HLCS: variants seen among roughly 807,000 people sequenced by gnomAD.
The protein encoded by HLCS is biotin--protein ligase.
In HLCS, 53 loss-of-function variants were observed where a neutral mutation model predicts 75.0. That is an observed-to-expected ratio of 0.71 (90% CI 0.57 to 0.89). The LOEUF (loss-of-function observed/expected upper bound fraction) is 0.89. HLCS is among the 40% of genes least tolerant of loss of function. The probability of loss-of-function intolerance (pLI) is 0.00; values close to 1 mark genes in which losing one functional copy is unlikely to be tolerated. For synonymous variants in HLCS, 431 were observed against 428.6 expected, an observed-to-expected ratio of 1.01 and a Z score of -0.07; for missense variants, 966 against 1,074.0, an observed-to-expected ratio of 0.90 and a Z score of 1.41.
At chr21:36,872,374 G>A (rs1450111765) in intron 6 of HLCS, among the ~76,000 whole-genome samples, 1 of 149,074 alleles carries the variant, frequency 6.7e-6, no homozygotes, top group African/African-American at 2.5e-5. Flanking sequence ...CTGGGTGACA[G>A]AGCGAGCCTC....
intron 6 of HLCS, among the ~76,000 whole-genome samples, chr21:36,824,797 G>A (rs1202689694): frequency 6.6e-6 from 1 of 152,058 alleles, no homozygotes; most frequent in Non-Finnish European, 1.5e-5. Context: ...TCCTAACCAG[G>A]GAAGAAACAC....
chr21:36,940,226 C>CT (rs1355498120), intron 2 of HLCS, among the ~76,000 whole-genome samples: 1 of 152,178 alleles, frequency 6.6e-6, no homozygotes. Flanking sequence ...GCAGCACAGT[C>CT]TTTTTCTAAG....
At chr21:36,933,592 T>C (rs901919611) in intron 4 of HLCS, among the ~76,000 whole-genome samples, 1 of 147,396 alleles carries the variant, frequency 6.8e-6, no homozygotes, top group Non-Finnish European at 1.5e-5. Context: ...TCCTACTCAG[T>C]GCACTTCTAC....
At chr21:36,910,694 G>A (rs957956876) in intron 5 of HLCS, among the ~76,000 whole-genome samples, 6 of 152,096 alleles carry the variant, frequency 3.9e-5, no homozygotes, top group African/African-American at 1.2e-4. Context: ...GCAGGTTTGC[G>A]AAATGCCTGT....
At chr21:36,781,636 T>G (rs2060537214) in intron 6 of HLCS, among the ~76,000 whole-genome samples, 1 of 152,194 alleles carries the variant, frequency 6.6e-6, no homozygotes, top group African/African-American at 2.4e-5. Context: ...CACTGATTCT[T>G]TAAGGTTTCT....
intron 5 of HLCS, among the ~76,000 whole-genome samples, chr21:36,905,739 T>C (rs2065420888): frequency 6.6e-6 from 1 of 150,658 alleles, no homozygotes; most frequent in Non-Finnish European, 1.5e-5. Flanking sequence ...TTTAGCAAGG[T>C]TGTGGGATAC....
chr21:36,942,653 T>C (rs2067202088), intron 2 of HLCS, among the ~76,000 whole-genome samples: 1 of 152,036 alleles, frequency 6.6e-6, no homozygotes, highest in African/African-American at 2.4e-5. Context: ...CAAACATTCT[T>C]GTGCTTCAAA....
intron 8 of HLCS, among the ~76,000 whole-genome samples, chr21:36,761,540 G>C (rs1429003860): frequency 1.3e-5 from 2 of 152,048 alleles, no homozygotes; most frequent in Non-Finnish European, 2.9e-5. Context: ...AGTGGGAGAG[G>C]GGTGGATTTG....
At chr21:36,914,688 T>G (rs577564937) in intron 5 of HLCS, among the ~76,000 whole-genome samples, 32 of 152,352 alleles carry the variant, frequency 2.1e-4, no homozygotes, top group Non-Finnish European at 4.0e-4. Flanking sequence ...GAATCTATTC[T>G]GCAAGTGCAG....
rs764127736 is a variant in HLCS, at chr21:36,765,169, C to T, written c.1964G>A (p.Arg655Gln). The T allele has an allele frequency of 1.2e-6, 2 of 1,614,190 alleles. No individual in the cohort carries two copies. Among genetic ancestry groups the T allele is most frequent in the Non-Finnish European group, 1.7e-6 (2 of 1,180,028 alleles). ...AGGGCTCAGCCACACATTCCCTCCC[C>T]GTCCTGGAACACAGGCCACAGTGGG... The part of the protein sequence containing the change: ...IAARQTEGKG[R>Q]GGNVWLSPVG... The change falls in exon 8 of 11, where the codon CGG (arginine) becomes CAG (glutamine). Residue 655 changes from arginine to glutamine, a missense_variant. Transcript: ENST00000674895.
chr21:36,797,188 T>G (rs1321460140), intron 6 of HLCS, among the ~76,000 whole-genome samples: 1 of 152,156 alleles, frequency 6.6e-6, no homozygotes, highest in Non-Finnish European at 1.5e-5. Flanking sequence ...CTCTTAACAC[T>G]GCCCTGACAT....
intron 6 of HLCS, among the ~76,000 whole-genome samples, chr21:36,837,098 G>A (rs2062440228): frequency 1.3e-5 from 2 of 152,130 alleles, no homozygotes; most frequent in African/African-American, 4.8e-5. Context: ...CAGAAGAATC[G>A]CTTGAACCTG....
intron 6 of HLCS, among the ~76,000 whole-genome samples, chr21:36,853,529 T>C (rs1721041543): frequency 6.6e-6 from 1 of 152,234 alleles, no homozygotes; most frequent in African/African-American, 2.4e-5. Context: ...TGAGGTAGTA[T>C]TAAAATTAAC....
intron 4 of HLCS, among the ~76,000 whole-genome samples, chr21:36,934,315 T>C (rs1419222416): frequency 1.3e-5 from 2 of 152,184 alleles, no homozygotes; most frequent in African/African-American, 4.8e-5. Context: ...CCAGGGATGC[T>C]ATTCCGCAGC....
chr21:36,889,004 A>G (rs1407773868), intron 6 of HLCS, among the ~76,000 whole-genome samples: 1 of 152,100 alleles, frequency 6.6e-6, no homozygotes, highest in Non-Finnish European at 1.5e-5. Context: ...AACTTTACAA[A>G]CTGGCACAGG....
At chr21:36,985,564 G>A (rs1285307387) in intron 1 of HLCS, among the ~76,000 whole-genome samples, 3 of 152,164 alleles carry the variant, frequency 2.0e-5, no homozygotes, top group Non-Finnish European at 4.4e-5. Context: ...TCAAGAGATC[G>A]AGACCATCCT....
rs559521291 is a variant in HLCS, at chr21:36,752,246, G to C, written c.*2000C>G. The C allele has an allele frequency of 6.6e-6, 1 of 152,606 alleles. No individual in the cohort carries two copies. The highest frequency in any genetic ancestry group is 1.5e-5 in the Non-Finnish European group (1 of 68,044). 9.5% of individuals were successfully genotyped at this position (152,606 alleles called of 1,614,324 possible). ...AGCACAGAGCACAGCAGTATGCCCG[G>C]AACATCTCCATAGCCTTTGACAAGG... On this transcript the variant is annotated 3_prime_UTR_variant, in exon 11 of 11. Coordinates refer to ENST00000674895, the MANE Select transcript of HLCS (RefSeq NM_001352514.2).
chr21:36,952,547 A>G (rs1303120917), intron 2 of HLCS, among the ~76,000 whole-genome samples: 1 of 152,136 alleles, frequency 6.6e-6, no homozygotes, highest in African/African-American at 2.4e-5. Flanking sequence ...TAATCCCAGC[A>G]CTTTGGGAGG....
chr21:36,805,352 G>C (rs946508214), intron 6 of HLCS, among the ~76,000 whole-genome samples: 1 of 152,200 alleles, frequency 6.6e-6, no homozygotes, highest in Admixed American at 6.5e-5. Flanking sequence ...TGTCTTCCTT[G>C]CTTCCAGGTA....
Sources: gnomAD v4.1 joint callset for allele counts (sites outside exome capture counted in the v4.1 genomes callset) on GRCh38, gnomAD v4.1.1 for gene constraint, MANE v1.5 for transcripts, NCBI Gene and HGNC (gene_info 2026-07-23, HGNC 2026-07-21) for gene names.